BCKDHB: variants seen among roughly 807,000 people sequenced by gnomAD.
The protein encoded by BCKDHB is branched chain keto acid dehydrogenase E1 subunit beta.
A neutral mutation model predicts 48.5 loss-of-function variants in BCKDHB; 41 were observed. The ratio of observed to expected loss-of-function variants is 0.85; its 90% CI spans 0.66 to 1.10. BCKDHB has a LOEUF of 1.10. BCKDHB is among the 50% of genes least tolerant of loss of function. The pLI is 0.00. For missense variants in BCKDHB, 496 were observed against 494.2 expected (o/e 1.00, Z -0.03); for synonymous variants, 201 against 174.8 (o/e 1.15, Z -1.18).
At chr6:80,199,664 C>A (rs1234516485) in intron 6 of BCKDHB, among the ~76,000 whole-genome samples, 1 of 149,864 alleles carries the variant, frequency 6.7e-6, no homozygotes, top group Non-Finnish European at 1.5e-5. Context: ...GTAATCCCAG[C>A]TACTTGAGAG....
At chr6:80,156,626 G>A (rs1772056108) in intron 3 of BCKDHB, among the ~76,000 whole-genome samples, 1 of 152,142 alleles carries the variant, frequency 6.6e-6, no homozygotes, top group Non-Finnish European at 1.5e-5. Context: ...CCTTAAATTA[G>A]TGTTCAAGGA....
chr6:80,121,430 C>G (rs1770011785), intron 1 of BCKDHB, among the ~76,000 whole-genome samples: 1 of 152,090 alleles, frequency 6.6e-6, no homozygotes, highest in Non-Finnish European at 1.5e-5. Flanking sequence ...GGGGATGGCA[C>G]TGAATCTATA....
At chr6:80,242,977 T>G (rs1776449883) in intron 8 of BCKDHB, among the ~76,000 whole-genome samples, 1 of 152,148 alleles carries the variant, frequency 6.6e-6, no homozygotes, top group African/African-American at 2.4e-5. Context: ...GGTTGACATC[T>G]CTCGATCGGG....
the BCKDHB span, among the ~76,000 whole-genome samples, chr6:80,462,668 C>G: frequency 1.3e-5 from 2 of 152,140 alleles, no homozygotes; most frequent in Non-Finnish European, 2.9e-5. Context: ...ATTATGGCCC[C>G]CATAATCTCT....
At chr6:80,172,829 A>G (rs1227740403) in intron 6 of BCKDHB, among the ~76,000 whole-genome samples, 2 of 152,164 alleles carry the variant, frequency 1.3e-5, no homozygotes, top group Non-Finnish European at 2.9e-5. Flanking sequence ...GTTGCTCTTA[A>G]GTTTAAAAAC....
chr6:80,180,635 G>T (rs7772483), intron 6 of BCKDHB, among the ~76,000 whole-genome samples: 11,702 of 152,132 alleles, frequency 0.077, 533 homozygotes, highest in South Asian at 0.099. Context: ...CCAAAAATAC[G>T]TAAAAATAGG....
Position 80,139,676 on chromosome 6 carries a change from G to T in BCKDHB, c.343+10447G>T, listed in dbSNP as rs1459392154. Among the ~76,000 whole-genome samples the T allele has an allele frequency of 1.9e-3, 283 of 151,760 alleles. 5 individuals are homozygous for T. The highest frequency in any genetic ancestry group is 6.4e-3 in the African/African-American group (262 of 41,182). On this transcript the variant is annotated intron_variant, in intron 3 of 9. Transcript: ENST00000320393. ...CCATTGATCTATGTCTCTGTTTTGG[G>T]ACCAGTACCATGCTGTTTTGGTTAC...
the BCKDHB span, among the ~76,000 whole-genome samples, chr6:80,401,054 G>A: frequency 2.0e-5 from 3 of 147,422 alleles, no homozygotes; most frequent in African/African-American, 8.1e-5. Context: ...AGACAGTGGG[G>A]CCTATTGAAG....
intron 8 of BCKDHB, among the ~76,000 whole-genome samples, chr6:80,259,220 T>A (rs892841320): frequency 6.6e-6 from 1 of 152,214 alleles, no homozygotes; most frequent in Non-Finnish European, 1.5e-5. Flanking sequence ...TCTTCAGCCA[T>A]TCCTCCCTCC....
chr6:80,197,676 A>T (rs1027608156), intron 6 of BCKDHB, among the ~76,000 whole-genome samples: 1 of 152,174 alleles, frequency 6.6e-6, no homozygotes, highest in Admixed American at 6.5e-5. Context: ...ATGGCCACTT[A>T]CAAGTAAGAT....
At chr6:80,141,929 C>T (rs543643075) in intron 3 of BCKDHB, among the ~76,000 whole-genome samples, 1 of 152,218 alleles carries the variant, frequency 6.6e-6, no homozygotes, top group East Asian at 1.9e-4. Context: ...CTCTTCTAGA[C>T]TGGTGCCTTT....
At chr6:80,461,518 C>A in the BCKDHB span, among the ~76,000 whole-genome samples, 5 of 152,102 alleles carry the variant, frequency 3.3e-5, no homozygotes, top group Non-Finnish European at 7.4e-5. Flanking sequence ...GACATCTGAT[C>A]ATTTCTTTCA....
At chr6:80,308,655 C>T (rs1346458301) in intron 9 of BCKDHB, among the ~76,000 whole-genome samples, 3 of 149,118 alleles carry the variant, frequency 2.0e-5, no homozygotes, top group Non-Finnish European at 4.4e-5. Context: ...AGTGCAGTGG[C>T]GTGATCCCGG....
intron 6 of BCKDHB, among the ~76,000 whole-genome samples, chr6:80,179,238 A>T (rs141797384): frequency 1.3e-5 from 2 of 152,066 alleles, no homozygotes; most frequent in African/African-American, 2.4e-5. Context: ...TCAATTTTTG[A>T]GTTTCTCCAT....
chr6:80,389,799 G>C, the BCKDHB span, among the ~76,000 whole-genome samples: 1,543 of 152,272 alleles, frequency 0.01, 26 homozygotes, highest in African/African-American at 0.034. Flanking sequence ...AGAAGGTCGT[G>C]TATGCTCTGA....
At chr6:80,374,395 G>A in the BCKDHB span, 1 of 793,928 alleles carries the variant, frequency 1.3e-6, no homozygotes, top group Non-Finnish European at 2.3e-6. Flanking sequence ...CGTCGGAATG[G>A]TACGCACCGT....
At chr6:80,361,582 A>C in the BCKDHB span, among the ~76,000 whole-genome samples, 1 of 152,208 alleles carries the variant, frequency 6.6e-6, no homozygotes, top group African/African-American at 2.4e-5. Flanking sequence ...AGTCCTTTTT[A>C]GACTGTCCTG....
intron 8 of BCKDHB, among the ~76,000 whole-genome samples, chr6:80,228,174 T>C (rs1452962168): frequency 6.6e-6 from 1 of 152,210 alleles, no homozygotes; most frequent in Non-Finnish European, 1.5e-5. Context: ...GTCATGCTGT[T>C]AGAAATAAGC....
the BCKDHB span, among the ~76,000 whole-genome samples, chr6:80,370,508 C>G: frequency 6.6e-6 from 1 of 152,098 alleles, no homozygotes; most frequent in Non-Finnish European, 1.5e-5. Context: ...CACCAGAGCA[C>G]CATACACTGT....
Sources: gnomAD v4.1 joint callset for allele counts (sites outside exome capture counted in the v4.1 genomes callset) on GRCh38, gnomAD v4.1.1 for gene constraint, MANE v1.5 for transcripts, NCBI Gene and HGNC (gene_info 2026-07-23, HGNC 2026-07-21) for gene names.